The following DOCK2 variants were observed in gnomAD, a reference collection of about 807,000 sequenced individuals.
DOCK2 encodes the protein dedicator of cytokinesis protein 2.
A neutral mutation model predicts 248.9 loss-of-function variants in DOCK2; 87 were observed. The observed-to-expected ratio is 0.35, with a 90% confidence interval of 0.29 to 0.42. DOCK2 has a LOEUF of 0.42. DOCK2 is among the 10% of genes least tolerant of loss of function. The pLI is 1.00. For missense variants in DOCK2, 1,747 were observed against 2,300.2 expected, an observed-to-expected ratio of 0.76 and a Z score of 4.92; for synonymous variants, 805 against 821.6, an observed-to-expected ratio of 0.98 and a Z score of 0.35.
intron 44 of DOCK2, among the ~76,000 whole-genome samples, chr5:170,059,273 G>A (rs907282845): frequency 6.6e-6 from 1 of 151,578 alleles, no homozygotes; most frequent in Non-Finnish European, 1.5e-5. Flanking sequence ...CCCAGGTGCT[G>A]TGTCAAAGGT....
intron 47 of DOCK2, among the ~76,000 whole-genome samples, chr5:170,077,451 T>A (rs2113876086): frequency 6.6e-6 from 1 of 152,280 alleles, no homozygotes; most frequent in South Asian, 2.1e-4. Flanking sequence ...GGGGCCACCA[T>A]GAATAATAAC....
intron 27 of DOCK2, among the ~76,000 whole-genome samples, chr5:169,935,778 G>A (rs1372580829): frequency 2.0e-5 from 3 of 152,102 alleles, no homozygotes; most frequent in South Asian, 2.1e-4. Context: ...GAGAAAAAAC[G>A]CGTTGTGTAA....
intron 32 of DOCK2, 76 bp downstream of exon 32, chr5:170,008,822 C>T: frequency 6.4e-7 from 1 of 1,558,464 alleles, no homozygotes; most frequent in Non-Finnish European, 8.9e-7. Flanking sequence ...TGTTGGAGGG[C>T]CACAGGGGTT....
chr5:170,040,495 C>CA (rs1029383737), intron 36 of DOCK2: 38 of 155,922 alleles, frequency 2.4e-4, no homozygotes, highest in South Asian at 1.2e-3. Flanking sequence ...CTTTTATTAC[C>CA]AAAAAATGCA....
chr5:169,940,569 C>T (rs529452583), intron 27 of DOCK2, among the ~76,000 whole-genome samples: 1 of 152,334 alleles, frequency 6.6e-6, no homozygotes, highest in Non-Finnish European at 1.5e-5. Flanking sequence ...TTTTCTGCAA[C>T]TAGACAGTCC....
chr5:169,764,042 C>T lies in DOCK2; in HGVS notation c.2554+2417C>T, dbSNP rs149945569. 0.011 allele frequency among the ~76,000 whole-genome samples: 1,661 copies of T among 152,302 alleles called. 21 individuals carry two copies. The highest frequency in any genetic ancestry group is 0.018 in the Non-Finnish European group (1,207 of 68,026). ...TTCATTATGCTTACTAGGTGTCCAT[C>T]GACCTCGGGTGAGCATCTCTCTTTA... On this transcript the variant is annotated intron_variant, in intron 25 of 51. Transcript: ENST00000520908. The surrounding 1 kb of genome is among the most constrained non-coding windows in gnomAD (Gnocchi z 4.3).
At chr5:170,000,295 T>C (rs770817094) in intron 30 of DOCK2, 14 of 152,212 alleles carry the variant, frequency 9.2e-5, no homozygotes, top group Non-Finnish European at 1.8e-4. Context: ...TTATTGGGCA[T>C]CTACTTAGAA....
intron 45 of DOCK2, 122 bp from the exon 46 acceptor site, chr5:170,069,015 A>T (rs1294290813): frequency 1.3e-6 from 1 of 795,524 alleles, no homozygotes; most frequent in South Asian, 1.6e-5. Flanking sequence ...CTCTTGTTCC[A>T]TCCACATGCC....
chr5:170,023,602 G>A (rs549599958), intron 33 of DOCK2, among the ~76,000 whole-genome samples: 1 of 152,268 alleles, frequency 6.6e-6, no homozygotes, highest in East Asian at 1.9e-4. Flanking sequence ...TTTGGGGGAT[G>A]AATTGGAACG....
intron 26 of DOCK2, among the ~76,000 whole-genome samples, chr5:169,821,783 G>T (rs1768464000): frequency 1.3e-5 from 2 of 152,172 alleles, no homozygotes; most frequent in African/African-American, 4.8e-5. Context: ...AACCTTAAAT[G>T]TAAATGGGCT....
intron 27 of DOCK2, among the ~76,000 whole-genome samples, chr5:169,957,744 C>T (rs1054146142): frequency 4.6e-5 from 7 of 152,228 alleles, no homozygotes; most frequent in African/African-American, 1.7e-4. Flanking sequence ...TTGATTGTCT[C>T]AGGTTCCTGG....
At chr5:170,006,566 G>C (rs774822246) in intron 30 of DOCK2, among the ~76,000 whole-genome samples, 1 of 152,134 alleles carries the variant, frequency 6.6e-6, no homozygotes, top group Non-Finnish European at 1.5e-5. Context: ...GGTTCTTCTG[G>C]TCTCTGCATG....
chr5:170,031,334 G>C (rs1020748031), intron 34 of DOCK2, among the ~76,000 whole-genome samples: 3 of 152,168 alleles, frequency 2.0e-5, no homozygotes, highest in South Asian at 2.1e-4. Context: ...CTGACAGAGA[G>C]GGGGAGTCTG....
chr5:169,948,687 C>T (rs1028262029), intron 27 of DOCK2, among the ~76,000 whole-genome samples: 5 of 150,360 alleles, frequency 3.3e-5, no homozygotes, highest in Admixed American at 2.0e-4. Flanking sequence ...GATTATGGCT[C>T]ACTGCAGTCT....
chr5:169,824,861 T>C (rs1272001415), intron 26 of DOCK2, among the ~76,000 whole-genome samples: 2 of 152,274 alleles, frequency 1.3e-5, no homozygotes, highest in East Asian at 3.9e-4. Context: ...AGAAAATTTT[T>C]GCAATCTACT....
chr5:169,669,108 G>A (rs1758893024), intron 2 of DOCK2, among the ~76,000 whole-genome samples, 180 bp from the exon 3 acceptor site: 1 of 152,114 alleles, frequency 6.6e-6, no homozygotes, highest in African/African-American at 2.4e-5. Context: ...ATTTTGAGAT[G>A]TTGGCAACCA....
chr5:169,654,123 A>G lies in DOCK2; in HGVS notation c.44-280A>G, dbSNP rs114927079. Among the ~76,000 whole-genome samples, 662 of 152,362 alleles carry G rather than the reference A, an allele frequency of 4.3e-3. 8 individuals are homozygous for G. The highest frequency in any genetic ancestry group is 0.015 in the African/African-American group (634 of 41,574). On this transcript the variant is annotated intron_variant, in intron 1 of 51. Coordinates refer to ENST00000520908, the MANE Select transcript of DOCK2 (RefSeq NM_004946.3). ...GTAACATTTTAACTGCCTGGTGTACAGTAAGAGGACAGTCCATAGTAAATA... is the reference window on the plus strand; with the variant it reads ...GTAACATTTTAACTGCCTGGTGTACGGTAAGAGGACAGTCCATAGTAAATA...
At chr5:169,689,477 C>G in intron 9 of DOCK2, 144 bp downstream of exon 9, 1 of 809,230 alleles carries the variant, frequency 1.2e-6, no homozygotes, top group Non-Finnish European at 2.0e-6. Flanking sequence ...CCAAAGCTGA[C>G]AAAGGACATT....
At chr5:169,671,314 A>G (rs938636882) in intron 5 of DOCK2, 140 bp downstream of exon 5, 21 of 659,870 alleles carry the variant, frequency 3.2e-5, no homozygotes, top group Non-Finnish European at 4.1e-5. Flanking sequence ...ACGTGTGAGG[A>G]CATCAAGGCC....
Sources: allele counts gnomAD v4.1 joint callset (sites outside exome capture counted in the v4.1 genomes callset), GRCh38; gene constraint gnomAD v4.1.1; non-coding constraint Gnocchi (gnomAD v3.1); transcripts MANE v1.5; gene names NCBI Gene and HGNC (gene_info 2026-07-23, HGNC 2026-07-21).